Variants in TMEM132D observed in about 807,000 individuals in gnomAD.
TMEM132D encodes the protein transmembrane protein 132D, also known as mature OL transmembrane protein.
A neutral mutation model predicts 62.3 loss-of-function variants in TMEM132D; 21 were observed. The observed-to-expected ratio is 0.34, with a 90% confidence interval of 0.24 to 0.49. The LOEUF (loss-of-function observed/expected upper bound fraction) is 0.49. TMEM132D is among the 20% of genes least tolerant of loss of function. The pLI, the probability that TMEM132D is intolerant of heterozygous loss-of-function variation, is 0.99. For synonymous variants in TMEM132D, 621 were observed against 575.6 expected, an observed-to-expected ratio of 1.08 and a Z score of -1.13; for missense variants, 1,346 against 1,402.8, an observed-to-expected ratio of 0.96 and a Z score of 0.65.
chr12:129,532,856 T>G (rs1876267641), intron 2 of TMEM132D, among the ~76,000 whole-genome samples: 1 of 152,210 alleles, frequency 6.6e-6, no homozygotes, highest in African/African-American at 2.4e-5. Flanking sequence ...TTGGAGGAAT[T>G]AAGCACATCC....
At chr12:129,758,876 C>A (rs1225446307) in intron 1 of TMEM132D, among the ~76,000 whole-genome samples, 2 of 151,564 alleles carry the variant, frequency 1.3e-5, no homozygotes, top group Non-Finnish European at 2.9e-5. Context: ...GAGGTACAAA[C>A]TGAATCAATT....
chr12:129,618,490 C>G (rs1049650333), intron 2 of TMEM132D, among the ~76,000 whole-genome samples: 2 of 152,138 alleles, frequency 1.3e-5, no homozygotes, highest in Non-Finnish European at 2.9e-5. Flanking sequence ...CAAACCTTTT[C>G]TGTAAAAGTT....
intron 5 of TMEM132D, among the ~76,000 whole-genome samples, chr12:129,161,117 G>A (rs140357277): frequency 2.6e-5 from 4 of 152,310 alleles, no homozygotes; most frequent in Non-Finnish European, 5.9e-5. Context: ...CTTCTGGTGG[G>A]TATGTGCCTG....
At chr12:129,538,186 G>A (rs1876458068) in intron 2 of TMEM132D, among the ~76,000 whole-genome samples, 1 of 152,108 alleles carries the variant, frequency 6.6e-6, no homozygotes, top group African/African-American at 2.4e-5. Flanking sequence ...AAAGATACAA[G>A]GAAGAAAGCA....
intron 2 of TMEM132D, among the ~76,000 whole-genome samples, chr12:129,589,533 C>T (rs1878133217): frequency 1.3e-5 from 2 of 152,308 alleles, no homozygotes; most frequent in South Asian, 4.2e-4. Context: ...TTCCAGCTGT[C>T]CTTCTTGCTA....
rs545100786 is a variant in TMEM132D, at chr12:129,176,111, C to G, written c.1443+33409G>C. 2.0e-5 allele frequency among the ~76,000 whole-genome samples: 3 copies of G among 152,300 alleles called. No homozygotes were observed. In the East Asian group the frequency reaches 5.8e-4, roughly 29 times the overall value. ...AAGGACCACGTTGCGTGGAACTAGA[C>G]ATCTTCAAATGCACATGCAGAGAGA... is the stretch of plus-strand genomic sequence containing the variant. On this transcript the variant is annotated intron_variant, in intron 5 of 8. Coordinates refer to ENST00000422113, the MANE Select transcript of TMEM132D (RefSeq NM_133448.3).
At chr12:129,778,484 A>C (rs894467549) in intron 1 of TMEM132D, among the ~76,000 whole-genome samples, 1 of 152,156 alleles carries the variant, frequency 6.6e-6, no homozygotes, top group African/African-American at 2.4e-5. Context: ...GTGACTCCCG[A>C]AAGACACGTG....
intron 1 of TMEM132D, among the ~76,000 whole-genome samples, chr12:129,901,655 G>A (rs1477914517): frequency 6.6e-6 from 1 of 152,150 alleles, no homozygotes; most frequent in East Asian, 1.9e-4. Flanking sequence ...AGTTGAAAAA[G>A]TTCACAAGTA....
intron 5 of TMEM132D, among the ~76,000 whole-genome samples, chr12:129,150,027 G>A (rs1044212517): frequency 2.5e-4 from 38 of 152,312 alleles, no homozygotes; most frequent in African/African-American, 8.9e-4. Context: ...ATTGCATTTC[G>A]TCAGATGTAA....
chr12:129,345,199 T>A (rs1461483076), intron 3 of TMEM132D, among the ~76,000 whole-genome samples: 1 of 152,226 alleles, frequency 6.6e-6, no homozygotes, highest in African/African-American at 2.4e-5. Flanking sequence ...CTAAGATTCA[T>A]GGCTCAGTTC....
chr12:129,597,288 A>G (rs1878364417), intron 2 of TMEM132D, among the ~76,000 whole-genome samples: 1 of 152,178 alleles, frequency 6.6e-6, no homozygotes, highest in Non-Finnish European at 1.5e-5. Context: ...AACAAACAAC[A>G]GTGATATACT....
chr12:129,622,836 G>C (rs1240852806), intron 2 of TMEM132D, among the ~76,000 whole-genome samples: 1 of 152,162 alleles, frequency 6.6e-6, no homozygotes, highest in East Asian at 1.9e-4. Flanking sequence ...CATGGTGATT[G>C]GTTCATACAT....
chr12:129,758,678 TAC>T (rs1364472398), intron 1 of TMEM132D, among the ~76,000 whole-genome samples: 1 of 152,228 alleles, frequency 6.6e-6, no homozygotes, highest in Non-Finnish European at 1.5e-5. Flanking sequence ...GCAGCTTCTG[TAC>T]TTGTTTAAAA....
chr12:129,761,130 G>A (rs993256371), intron 1 of TMEM132D, among the ~76,000 whole-genome samples: 3 of 152,092 alleles, frequency 2.0e-5, no homozygotes, highest in Non-Finnish European at 2.9e-5. Context: ...CGCTGGTTTG[G>A]TTGCCTCCCA....
chr12:129,722,021 G>A (rs1052525526), intron 1 of TMEM132D, among the ~76,000 whole-genome samples: 2 of 152,218 alleles, frequency 1.3e-5, no homozygotes, highest in Admixed American at 6.5e-5. Flanking sequence ...CAGTCACTTT[G>A]CAGTTCCCTG....
intron 5 of TMEM132D, among the ~76,000 whole-genome samples, chr12:129,200,715 C>T (rs947176605): frequency 1.3e-5 from 2 of 152,154 alleles, no homozygotes; most frequent in South Asian, 2.1e-4. Flanking sequence ...TGCTGGGAGC[C>T]GGCTCTCCAC....
chr12:129,863,976 G>C (rs969024193), intron 1 of TMEM132D, among the ~76,000 whole-genome samples: 1 of 152,144 alleles, frequency 6.6e-6, no homozygotes, highest in African/African-American at 2.4e-5. Context: ...TCCCTTTAAA[G>C]TGTGAGCCCA....
intron 2 of TMEM132D, among the ~76,000 whole-genome samples, chr12:129,556,882 C>T (rs1004202987): frequency 1.3e-5 from 2 of 152,128 alleles, no homozygotes; most frequent in African/African-American, 4.8e-5. Context: ...AGAAATGCTC[C>T]AGAATAATTT....
intron 1 of TMEM132D, among the ~76,000 whole-genome samples, chr12:129,855,688 G>C (rs113460692): frequency 2.0e-4 from 1 of 4,996 alleles, no homozygotes; most frequent in Non-Finnish European, 3.6e-4. Flanking sequence ...GGGTGCCCTT[G>C]TAACAGAGTC....
Sources: allele counts gnomAD v4.1 joint callset (sites outside exome capture counted in the v4.1 genomes callset), GRCh38; gene constraint gnomAD v4.1.1; transcripts MANE v1.5; gene names NCBI Gene and HGNC (gene_info 2026-07-23, HGNC 2026-07-21).